Variants in ARID4B observed in about 807,000 individuals in gnomAD.
ARID4B encodes AT-rich interactive domain-containing protein 4B.
Under a neutral mutation model 147.5 loss-of-function variants are expected in ARID4B, and 26 were observed. That is an observed-to-expected ratio of 0.18 (90% CI 0.13 to 0.24). The LOEUF is 0.24. Ranked by LOEUF, ARID4B falls within the 10% of genes least tolerant of loss-of-function variation. The probability of loss-of-function intolerance (pLI) is 1.00; values close to 1 mark genes in which losing one functional copy is unlikely to be tolerated. For synonymous variants in ARID4B, 512 were observed against 507.9 expected (o/e 1.01, Z -0.11); for missense variants, 1,179 against 1,511.5 (o/e 0.78, Z 3.65).
At chr1:235,282,794 TA>T (rs1671743153) in intron 2 of ARID4B, among the ~76,000 whole-genome samples, 1 of 152,156 alleles carries the variant, frequency 6.6e-6, no homozygotes, top group Admixed American at 6.5e-5. Context: ...TTTATTTATT[TA>T]TTTTTTTGAG....
At chr1:235,196,838 C>A (rs1283708532) in intron 17 of ARID4B, among the ~76,000 whole-genome samples, 1 of 118,406 alleles carries the variant, frequency 8.4e-6, no homozygotes, top group Non-Finnish European at 1.6e-5. Flanking sequence ...GGCGACAGAG[C>A]GAGACTCTGT....
intron 2 of ARID4B, among the ~76,000 whole-genome samples, chr1:235,325,783 A>G (rs905040095): frequency 2.0e-5 from 3 of 152,214 alleles, no homozygotes; most frequent in Admixed American, 6.5e-5. Context: ...AAACTCAAAG[A>G]GAAAACCTTA....
At chr1:235,298,281 T>G (rs1205857716) in intron 2 of ARID4B, among the ~76,000 whole-genome samples, 5 of 152,060 alleles carry the variant, frequency 3.3e-5, no homozygotes, top group Non-Finnish European at 7.4e-5. Flanking sequence ...ATGTTGTAAA[T>G]TTCCATAAAG....
In ARID4B at chr1:235,213,967, T is replaced by C. The variant is rs754867536; in HGVS notation, c.1643A>G (p.Glu548Gly). ...ATCTTCATCCTCTTCTTCTTCTTCC[T>C]CCTCCTCCTCCTCTTCTGCTTCTTC... ...DDEEAEEEEE[E>G]EEEEEDEDDD... The change falls in exon 17 of 24, where the codon GAG becomes GGG. Residue 548 changes from glutamate (E) to glycine (G), a missense_variant. Physicochemically the swap from Glu to Gly is moderately conservative, Grantham distance 98 (BLOSUM62 -2). This residue lies in a region of ARID4B where 204 missense variants were observed against 210.9 expected (regional missense o/e 0.97). Coordinates refer to ENST00000264183, the MANE Select transcript of ARID4B (RefSeq NM_016374.6). 56 of 1,577,926 alleles carry C rather than the reference T, an allele frequency of 3.5e-5. No individual in the cohort carries two copies. The highest frequency in any genetic ancestry group is 4.8e-5 in the Non-Finnish European group (55 of 1,156,892).
Position 235,270,368 on chromosome 1 carries a change from T to C in ARID4B, c.7-9616A>G, listed in dbSNP as rs1670902728. On this transcript the variant is annotated intron_variant, in intron 2 of 23. Transcript: ENST00000264183. ...TTTGGATGTTATCTATATTTCTTAA[T>C]ATTCTTCTTACAATTTTTTAAAGTT... is the stretch of plus-strand genomic sequence containing the variant. Among the ~76,000 whole-genome samples the C allele has an allele frequency of 3.3e-5, 5 of 152,226 alleles. No individual in the cohort carries two copies. The South Asian group carries it at 8.3e-4, about 25-fold the overall frequency.
rs577118995 is a variant in ARID4B, at chr1:235,264,726, G to A, written c.7-3974C>T. Among the ~76,000 whole-genome samples, 51 of 152,256 alleles carry A rather than the reference G, an allele frequency of 3.3e-4. 1 individual carries two copies. Among genetic ancestry groups the A allele is most frequent in the African/African-American group, 1.2e-3 (50 of 41,552 alleles). On this transcript the variant is annotated intron_variant, in intron 2 of 23. Transcript: ENST00000264183. ...ATTTTATCAATAGTAATTCAGATTT[G>A]GTTCCCTTCCTTATTTCTTCTTAAT...
chr1:235,184,984 T>C (rs1001548168), intron 19 of ARID4B, among the ~76,000 whole-genome samples: 1 of 152,082 alleles, frequency 6.6e-6, no homozygotes, highest in Non-Finnish European at 1.5e-5. Flanking sequence ...GCCCAGCTAA[T>C]TTTTGTATTT....
chr1:235,186,696 C>A (rs1208756053), intron 19 of ARID4B, among the ~76,000 whole-genome samples: 2 of 151,592 alleles, frequency 1.3e-5, no homozygotes, highest in Non-Finnish European at 2.9e-5. Flanking sequence ...AGCCACTGTG[C>A]CCAGCTCTAC....
chr1:235,307,084 A>C (rs953742625), intron 2 of ARID4B, among the ~76,000 whole-genome samples: 5 of 152,212 alleles, frequency 3.3e-5, no homozygotes, highest in Non-Finnish European at 5.9e-5. Context: ...TACAAATTAC[A>C]GAGAAAAAAA....
chr1:235,175,003 G>A (rs1478574855), intron 22 of ARID4B, among the ~76,000 whole-genome samples, 181 bp downstream of exon 22: 1 of 152,198 alleles, frequency 6.6e-6, no homozygotes, highest in Non-Finnish European at 1.5e-5. Flanking sequence ...CTACTTGGGA[G>A]GCTGAGGCAG....
intron 2 of ARID4B, among the ~76,000 whole-genome samples, chr1:235,264,313 A>C (rs530278698): frequency 6.6e-6 from 1 of 152,360 alleles, no homozygotes; most frequent in African/African-American, 2.4e-5. Context: ...GAAACTGTCA[A>C]ACTATTTTTC....
intron 8 of ARID4B, 39 bp from the exon 9 acceptor site, chr1:235,234,531 A>C (rs747852278): frequency 1.5e-6 from 2 of 1,374,428 alleles, no homozygotes; most frequent in Admixed American, 3.8e-5. Context: ...AACTAAAAGA[A>C]CTCATAGATA....
chr1:235,255,527 G>A, intron 5 of ARID4B, 133 bp downstream of exon 5: 1 of 555,048 alleles, frequency 1.8e-6, no homozygotes, highest in South Asian at 3.3e-5. Flanking sequence ...AAAAGATGTG[G>A]AAAGATAAAA....
intron 2 of ARID4B, among the ~76,000 whole-genome samples, chr1:235,289,429 G>C (rs2185021): frequency 6.6e-6 from 1 of 151,884 alleles, no homozygotes; most frequent in African/African-American, 2.4e-5. Context: ...ATTTTTTTTA[G>C]AGACCAACCA....
intron 8 of ARID4B, among the ~76,000 whole-genome samples, chr1:235,236,831 A>T (rs1440091833): frequency 3.6e-5 from 1 of 27,500 alleles, no homozygotes; most frequent in Non-Finnish European, 6.2e-5. Flanking sequence ...GGTTTTATAA[A>T]AAATATATAT....
chr1:235,315,887 A>T (rs960788851), intron 2 of ARID4B, among the ~76,000 whole-genome samples: 1 of 152,158 alleles, frequency 6.6e-6, no homozygotes, highest in Non-Finnish European at 1.5e-5. Flanking sequence ...ATAGTTTCAT[A>T]AATAATATCC....
chr1:235,239,290 A>G lies in ARID4B; in HGVS notation c.585+1023T>C, dbSNP rs945391479. 3.3e-5 allele frequency among the ~76,000 whole-genome samples: 5 copies of G among 152,228 alleles called. No individual in the cohort carries two copies. The East Asian group carries it at 9.7e-4, about 29-fold the overall frequency. On this transcript the variant is annotated intron_variant, in intron 8 of 23. Transcript: ENST00000264183. ...CCCCAGCCAAGATAATTCTTAAGAG[A>G]TACTGATTATTAACTTCAGTCTCCT... is the stretch of plus-strand genomic sequence containing the variant.
At chr1:235,204,814 G>A (rs1181041637) in intron 17 of ARID4B, among the ~76,000 whole-genome samples, 1 of 152,132 alleles carries the variant, frequency 6.6e-6, no homozygotes, top group Non-Finnish European at 1.5e-5. Flanking sequence ...GCCAATCTAC[G>A]AAACTACTGA....
At chr1:235,255,603 T>C in intron 5 of ARID4B, 57 bp downstream of exon 5, 2 of 1,102,488 alleles carry the variant, frequency 1.8e-6, no homozygotes, top group Non-Finnish European at 1.3e-6. Flanking sequence ...TTTATTTGTA[T>C]TAAGTTTTCT....
Sources: allele counts gnomAD v4.1 joint callset (sites outside exome capture counted in the v4.1 genomes callset), GRCh38; gene constraint gnomAD v4.1.1; regional missense constraint gnomAD v4.1.1; transcripts MANE v1.5; gene names NCBI Gene and HGNC (gene_info 2026-07-23, HGNC 2026-07-21).